ALDH1L1: variants seen among roughly 807,000 people sequenced by gnomAD.
ALDH1L1 encodes the protein cytosolic 10-formyltetrahydrofolate dehydrogenase.
ALDH1L1 carries 68 observed loss-of-function variants against 101.1 expected under a neutral mutation model. The observed-to-expected ratio is 0.67, with a 90% confidence interval of 0.55 to 0.82. ALDH1L1 has a LOEUF of 0.82. Among genes scored for constraint, ALDH1L1 ranks in the 40% least tolerant of loss-of-function variants. The pLI is 0.00. For missense variants in ALDH1L1, 1,087 were observed against 1,172.7 expected, an observed-to-expected ratio of 0.93 and a Z score of 1.07; for synonymous variants, 486 against 470.8, an observed-to-expected ratio of 1.03 and a Z score of -0.42.
chr3:126,105,897 T>C lies in ALDH1L1; in HGVS notation c.2482A>G (p.Asn828Asp), dbSNP rs1945851420. 6.2e-7 allele frequency: 1 copy of C among 1,613,922 alleles called. No homozygotes were observed. Among genetic ancestry groups the C allele is most frequent in the Admixed American group, 1.7e-5 (1 of 60,006 alleles). Reference protein sequence around the residue: ...GDLDAVLSRANATEFGLASGV... With the variant: ...GDLDAVLSRADATEFGLASGV... Reference sequence around the variant, plus strand: ...GAAGCCAGGCCAAATTCCGTGGCATTGGCCCGAGACAGCACGGCATCCAAG... The same window carrying C: ...GAAGCCAGGCCAAATTCCGTGGCATCGGCCCGAGACAGCACGGCATCCAAG... Residue 828 changes from asparagine to aspartate, a missense_variant, in exon 22 of 23, where the codon AAT becomes GAT. Around this residue, in one of 2 missense-constraint regions of ALDH1L1, gnomAD observed 442 missense variants for 535.7 expected, o/e 0.83. Coordinates refer to ENST00000393434, the MANE Select transcript of ALDH1L1 (RefSeq NM_012190.4).
At chr3:126,159,783 G>A (rs1444173788) in intron 2 of ALDH1L1, among the ~76,000 whole-genome samples, 1 of 152,184 alleles carries the variant, frequency 6.6e-6, no homozygotes, top group Non-Finnish European at 1.5e-5. Context: ...TGGGGTCAGG[G>A]TATGTCATGG....
chr3:126,178,472 T>C (rs1373896241), intron 1 of ALDH1L1, among the ~76,000 whole-genome samples: 1 of 150,558 alleles, frequency 6.6e-6, no homozygotes, highest in African/African-American at 2.4e-5. Context: ...ACTGAGAATA[T>C]GGGAACTCTG....
chr3:126,149,020 C>A (rs953769932), intron 8 of ALDH1L1, among the ~76,000 whole-genome samples: 2 of 152,230 alleles, frequency 1.3e-5, no homozygotes, highest in African/African-American at 4.8e-5. Flanking sequence ...TGCATGGGAA[C>A]CTGGGTGAGA....
intron 1 of ALDH1L1, among the ~76,000 whole-genome samples, chr3:126,176,465 T>C (rs149224205): frequency 2.0e-5 from 3 of 152,316 alleles, no homozygotes; most frequent in Admixed American, 6.5e-5. Flanking sequence ...CAGTACGGTA[T>C]TGGCAAAAGA....
At chr3:126,104,902 G>C (rs1457230955) in intron 22 of ALDH1L1, 1 of 153,420 alleles carries the variant, frequency 6.5e-6, no homozygotes, top group Non-Finnish European at 1.4e-5. Context: ...ACAGCATATG[G>C]CTTCCCCGGA....
Position 126,125,636 on chromosome 3 carries a change from C to T in ALDH1L1, c.1780G>A (p.Val594Met), listed in dbSNP as rs778022672. ...CTCACCTGAGCAGGCTTGATCACCA[C>T]TGTGTTCCCGGCAGCCAGGCAGGCA... ...TAACLAAGNTVVIKPAQVTPL... is the reference protein window; with the variant it reads ...TAACLAAGNTMVIKPAQVTPL... Residue 594 changes from valine to methionine, a missense_variant, in exon 15 of 23, where the codon GTG becomes ATG. This residue lies in a region of ALDH1L1 where 442 missense variants were observed against 535.7 expected (regional missense o/e 0.83). Transcript: ENST00000393434. 8 of 1,596,154 alleles carry T rather than the reference C, an allele frequency of 5.0e-6. No individual in the cohort carries two copies. The highest frequency in any genetic ancestry group is 1.1e-5 in the South Asian group (1 of 88,036).
At chr3:126,149,286 G>C (rs138643838) in intron 8 of ALDH1L1, among the ~76,000 whole-genome samples, 1 of 152,362 alleles carries the variant, frequency 6.6e-6, no homozygotes, top group African/African-American at 2.4e-5. Context: ...CTCTTCATGT[G>C]TGTTATCTCC....
At chr3:126,130,180 G>A (rs1182300526) in intron 14 of ALDH1L1, 43 bp downstream of exon 14, 4 of 1,556,990 alleles carry the variant, frequency 2.6e-6, no homozygotes, top group Non-Finnish European at 8.7e-7. Flanking sequence ...GTACTGCATG[G>A]AAAGCACCGC....
At position 126,161,984 on chromosome 3, in the gene ALDH1L1, C is replaced by T. The variant is rs1045399234; in HGVS notation, c.-23-982G>A. On this transcript the variant is annotated intron_variant, in intron 1 of 22. Coordinates refer to ENST00000393434, the MANE Select transcript of ALDH1L1 (RefSeq NM_012190.4). ...TGTATTCATTTTACATAAATGGAAC[C>T]ATGCAGTGTTTTGTAGATTTTCTCC... Among the ~76,000 whole-genome samples the T allele has an allele frequency of 2.0e-5, 3 of 151,826 alleles. 1 individual carries two copies. The highest frequency in any genetic ancestry group is 2.0e-4 in the Admixed American group (3 of 15,244).
intron 16 of ALDH1L1, among the ~76,000 whole-genome samples, chr3:126,120,559 A>G (rs2080059324): frequency 6.6e-6 from 1 of 152,204 alleles, no homozygotes; most frequent in South Asian, 2.1e-4. Flanking sequence ...GTCAAAACCC[A>G]TGGAATGTAC....
chr3:126,105,902 C>G lies in ALDH1L1; in HGVS notation c.2477G>C (p.Arg826Pro), dbSNP rs760592282. ...ADGDLDAVLS[R>P]ANATEFGLAS... ...CAGGCCAAATTCCGTGGCATTGGCC[C>G]GAGACAGCACGGCATCCAAGTCCCT... Residue 826 changes from arginine to proline, a missense_variant, in exon 22 of 23, where the codon CGG becomes CCG. This residue lies in a region of ALDH1L1 where 442 missense variants were observed against 535.7 expected (regional missense o/e 0.83). Coordinates refer to ENST00000393434, the MANE Select transcript of ALDH1L1 (RefSeq NM_012190.4). The G allele has an allele frequency of 1.2e-6, 2 of 1,613,540 alleles. No individual in the cohort carries two copies. Among genetic ancestry groups the G allele is most frequent in the Non-Finnish European group, 1.7e-6 (2 of 1,179,484 alleles).
intron 9 of ALDH1L1, among the ~76,000 whole-genome samples, chr3:126,144,129 G>C (rs186198384): frequency 5.3e-5 from 8 of 152,068 alleles, no homozygotes; most frequent in African/African-American, 1.9e-4. Context: ...GGCATCAAAA[G>C]AATAAAATAA....
chr3:126,105,751 T>C lies in ALDH1L1; in HGVS notation c.2628A>G (p.Lys876=). 1 of 1,614,124 alleles carries C rather than the reference T, an allele frequency of 6.2e-7. No homozygotes were observed. The highest frequency in any genetic ancestry group is 8.5e-7 in the Non-Finnish European group (1 of 1,180,024). Residue 876 remains lysine (K), a synonymous_variant, in exon 22 of 23, where the codon AAA becomes AAG. Coordinates refer to ENST00000393434, the MANE Select transcript of ALDH1L1 (RefSeq NM_012190.4). ...CTAGATCTTTGCCAAATCCAGACTG[T>C]TTGAATCCTCCGAAGGGAGCGGCCA... ...TDVAAPFGGF[K]QSGFGKDLGE... is the part of the protein sequence containing the mutation.
At chr3:126,148,508 C>G (rs563983508) in intron 8 of ALDH1L1, among the ~76,000 whole-genome samples, 1 of 152,166 alleles carries the variant, frequency 6.6e-6, no homozygotes, top group African/African-American at 2.4e-5. Context: ...TCTATCACAT[C>G]GGTCTCCAGA....
intron 18 of ALDH1L1, 117 bp from the exon 19 acceptor site, chr3:126,112,997 T>C (rs1946130629): frequency 1.2e-6 from 1 of 831,082 alleles, no homozygotes; most frequent in African/African-American, 1.7e-5. Flanking sequence ...TGTGTCCTGA[T>C]CTCCTCCTGT....
At chr3:126,145,329 A>G (rs780369595) in intron 9 of ALDH1L1, among the ~76,000 whole-genome samples, 2 of 152,208 alleles carry the variant, frequency 1.3e-5, no homozygotes, top group Non-Finnish European at 2.9e-5. Flanking sequence ...AAGAAGAACT[A>G]TCATATGACC....
At chr3:126,183,266 A>T (rs1411368091), upstream of ALDH1L1, among the ~76,000 whole-genome samples, 4 of 152,372 alleles carry the variant, frequency 2.6e-5, no homozygotes, top group East Asian at 7.7e-4. Flanking sequence ...TGGGTTTGAC[A>T]GTTGTCTAAA....
intron 11 of ALDH1L1, 62 bp from the exon 12 acceptor site, chr3:126,135,724 C>T: frequency 1.5e-5 from 22 of 1,443,266 alleles, no homozygotes; most frequent in Non-Finnish European, 1.8e-5. Context: ...GATACCCCTG[C>T]CTGCTTCCCT....
At chr3:126,186,376 C>T (rs201433342), upstream of ALDH1L1, among the ~76,000 whole-genome samples, 5 of 152,204 alleles carry the variant, frequency 3.3e-5, no homozygotes. Context: ...ATCACCCACC[C>T]AGGATTCAGC....
Sources: gnomAD v4.1 joint callset for allele counts (sites outside exome capture counted in the v4.1 genomes callset) on GRCh38, gnomAD v4.1.1 for gene constraint, gnomAD v4.1.1 regional missense constraint, MANE v1.5 for transcripts, NCBI Gene and HGNC (gene_info 2026-07-23, HGNC 2026-07-21) for gene names.